Variants in LDB3 observed in about 807,000 individuals in gnomAD.
LDB3 encodes LIM domain-binding protein 3.
LDB3 carries 49 observed loss-of-function variants against 69.0 expected under a neutral mutation model. That is an observed-to-expected ratio of 0.71 (90% CI 0.56 to 0.90). The LOEUF is 0.90. Among genes scored for constraint, LDB3 ranks in the 40% least tolerant of loss-of-function variants. LDB3 has a pLI of 0.00. For synonymous variants in LDB3, 387 were observed against 396.2 expected, an observed-to-expected ratio of 0.98 and a Z score of 0.28; for missense variants, 928 against 974.1, an observed-to-expected ratio of 0.95 and a Z score of 0.63.
At chr10:86,667,490 C>A (rs1844226421), upstream of LDB3, among the ~76,000 whole-genome samples, 1 of 152,216 alleles carries the variant, frequency 6.6e-6, no homozygotes, top group African/African-American at 2.4e-5. Flanking sequence ...GGCCCCCATC[C>A]AGAACACACT....
chr10:86,695,948 G>A (rs1192341944), intron 7 of LDB3, among the ~76,000 whole-genome samples: 1 of 152,160 alleles, frequency 6.6e-6, no homozygotes, highest in Non-Finnish European at 1.5e-5. Context: ...ATGCCTGCCT[G>A]GGTAAAGAGC....
chr10:86,708,860 G>A (rs759112192), intron 8 of LDB3, among the ~76,000 whole-genome samples: 23 of 152,166 alleles, frequency 1.5e-4, no homozygotes, highest in Non-Finnish European at 2.9e-4. Flanking sequence ...CCTTCTCAGA[G>A]CCCCAGAGAG....
chr10:86,732,700 C>T (rs567321965), intron 13 of LDB3, 187 bp from the exon 14 acceptor site: 118 of 581,236 alleles, frequency 2.0e-4, no homozygotes, highest in African/African-American at 1.7e-3. Flanking sequence ...GATGGAGTTT[C>T]GCCATGTTGG....
chr10:86,714,719 C>G (rs1389210688), intron 9 of LDB3, among the ~76,000 whole-genome samples: 1 of 151,974 alleles, frequency 6.6e-6, no homozygotes, highest in African/African-American at 2.4e-5. Context: ...CCACACCCAG[C>G]TAATTTTTTG....
chr10:86,723,666 T>C (rs1847161206), intron 12 of LDB3, among the ~76,000 whole-genome samples: 1 of 152,146 alleles, frequency 6.6e-6, no homozygotes, highest in Non-Finnish European at 1.5e-5. Flanking sequence ...AACTGCAACC[T>C]GGGCGGTAAC....
chr10:86,682,447 G>C (rs1175543839), intron 5 of LDB3, among the ~76,000 whole-genome samples: 1 of 152,116 alleles, frequency 6.6e-6, no homozygotes. Flanking sequence ...TCACCCCTAA[G>C]GTCTAGCTGG....
chr10:86,727,314 G>A (rs1461196847), intron 13 of LDB3, among the ~76,000 whole-genome samples: 4 of 151,864 alleles, frequency 2.6e-5, no homozygotes, highest in East Asian at 3.9e-4. Context: ...GAGCCACCAC[G>A]CCTGGCTGAT....
At chr10:86,732,443 T>A (rs1310349232) in intron 13 of LDB3, 1 of 452,952 alleles carries the variant, frequency 2.2e-6, no homozygotes, top group Non-Finnish European at 4.4e-6. Flanking sequence ...CATTAAGAAT[T>A]CATAGTGGGA....
At chr10:86,697,549 C>CTTT (rs71019409) in intron 7 of LDB3, among the ~76,000 whole-genome samples, 567 of 83,524 alleles carry the variant, frequency 6.8e-3, no homozygotes, top group Non-Finnish European at 7.6e-3. Context: ...TTCTTTCTTT[C>CTTT]TTTTTTTTTT....
chr10:86,726,115 T>G, intron 12 of LDB3, 22 bp from the exon 13 acceptor site: 2 of 1,595,910 alleles, frequency 1.3e-6, no homozygotes, highest in Non-Finnish European at 1.7e-6. Context: ...GTGCGGGGTC[T>G]TCACTCTGCT....
At chr10:86,710,218 A>C (rs1846594723) in intron 9 of LDB3, 168 bp downstream of exon 9, 1 of 985,370 alleles carries the variant, frequency 1.0e-6, no homozygotes, top group African/African-American at 1.7e-5. Context: ...AATCCTATGG[A>C]GCCTGCATCT....
At chr10:86,687,394 G>C (rs1478852001) in intron 5 of LDB3, 2 of 969,548 alleles carry the variant, frequency 2.1e-6, no homozygotes, top group Non-Finnish European at 3.2e-6. Context: ...CATGGCCCTT[G>C]GAGGGGAGCC....
At chr10:86,728,586 G>GTTTTTTTTTTT (rs201899694) in intron 13 of LDB3, among the ~76,000 whole-genome samples, 1 of 131,456 alleles carries the variant, frequency 7.6e-6, no homozygotes, top group African/African-American at 2.8e-5. Context: ...TGGTTCTTTT[G>GTTTTTTTTTTT]TTTTTTTTTT....
chr10:86,699,896 A>G lies in LDB3; in HGVS notation c.897-6635A>G, dbSNP rs1196267130. ...TAGGGCTCTTTGAAGAGGAAGTAGA[A>G]GCCCCAGGGTAATGAGGCAGAGACC... On this transcript the variant is annotated intron_variant, in intron 7 of 13. Coordinates refer to ENST00000361373, the MANE Select transcript of LDB3 (RefSeq NM_007078.3). This position sits in a 1 kb window ranked among gnomAD's most constrained non-coding sequence, Gnocchi z 4.9. 7.9e-6 allele frequency: 8 copies of G among 1,010,012 alleles called. No homozygotes were observed. The African/African-American group carries it at 1.4e-4, about 17-fold the overall frequency. 62.6% of individuals were successfully genotyped at this position (1,010,012 alleles called of 1,614,324 possible). A position where few individuals can be genotyped will look rare whatever the true frequency, so the allele number is the denominator to read the frequency against.
At chr10:86,713,464 C>T (rs906065107) in intron 9 of LDB3, among the ~76,000 whole-genome samples, 1 of 152,122 alleles carries the variant, frequency 6.6e-6, no homozygotes, top group East Asian at 1.9e-4. Flanking sequence ...AGGCTGATCT[C>T]GAACTCCTAA....
At chr10:86,669,787 G>A (rs1844360721) in intron 2 of LDB3, among the ~76,000 whole-genome samples, 2 of 152,250 alleles carry the variant, frequency 1.3e-5, no homozygotes, top group African/African-American at 4.8e-5. Flanking sequence ...GGCCAGAGGG[G>A]GAGGCCCCCA....
intron 13 of LDB3, 61 bp from the exon 14 acceptor site, chr10:86,732,826 A>C: frequency 7.2e-7 from 1 of 1,386,594 alleles, no homozygotes; most frequent in Non-Finnish European, 1.0e-6. Flanking sequence ...TAAAAAAGTG[A>C]TTGAAATCTG....
intron 2 of LDB3, among the ~76,000 whole-genome samples, chr10:86,678,173 G>T (rs1040628155): frequency 6.6e-6 from 1 of 151,434 alleles, no homozygotes; most frequent in African/African-American, 2.4e-5. Context: ...TCAGCCTCCC[G>T]AGTAGCTGAG....
intron 2 of LDB3, among the ~76,000 whole-genome samples, chr10:86,674,695 A>C (rs1277324835): frequency 3.3e-5 from 5 of 152,222 alleles, no homozygotes; most frequent in Non-Finnish European, 7.3e-5. Flanking sequence ...GGCGGCTAGA[A>C]AGATTAAAAA....
Sources: allele counts gnomAD v4.1 joint callset (sites outside exome capture counted in the v4.1 genomes callset), GRCh38; gene constraint gnomAD v4.1.1; non-coding constraint Gnocchi (gnomAD v3.1); transcripts MANE v1.5; gene names NCBI Gene and HGNC (gene_info 2026-07-23, HGNC 2026-07-21).